Variants in INTU observed in about 807,000 individuals in gnomAD.
The protein encoded by INTU is inturned planar cell polarity protein.
Under a neutral mutation model 100.5 loss-of-function variants are expected in INTU, and 68 were observed. The observed-to-expected ratio is 0.68, with a 90% CI of 0.56 to 0.83. The LOEUF (loss-of-function observed/expected upper bound fraction) is 0.83. INTU is among the 40% of genes least tolerant of loss of function. The pLI, the probability that INTU is intolerant of heterozygous loss-of-function variation, is 0.00. For missense variants in INTU, 1,071 were observed against 1,114.7 expected (o/e 0.96, Z 0.56); for synonymous variants, 357 against 395.7 (o/e 0.90, Z 1.16).
intron 2 of INTU, among the ~76,000 whole-genome samples, chr4:127,648,130 A>G (rs763028291): frequency 5.3e-5 from 8 of 152,310 alleles, no homozygotes; most frequent in Admixed American, 1.3e-4. Context: ...TTATTTAACA[A>G]TGCAAATCAA....
At chr4:127,682,170 T>C (rs919794504) in intron 6 of INTU, among the ~76,000 whole-genome samples, 2 of 152,072 alleles carry the variant, frequency 1.3e-5, no homozygotes, top group South Asian at 4.1e-4. Context: ...TGTAAACTAG[T>C]TCAGCCCTTG....
intron 2 of INTU, among the ~76,000 whole-genome samples, chr4:127,654,548 G>A (rs1728082028): frequency 6.6e-6 from 1 of 152,042 alleles, no homozygotes; most frequent in South Asian, 2.1e-4. Flanking sequence ...TTGAATATTG[G>A]CCCCCACTCT....
chr4:127,715,957 T>A (rs1731249784), intron 15 of INTU, among the ~76,000 whole-genome samples: 1 of 152,196 alleles, frequency 6.6e-6, no homozygotes, highest in African/African-American at 2.4e-5. Flanking sequence ...TTTAATGTTT[T>A]AATAAAAATT....
Position 127,656,659 on chromosome 4 carries a change from G to A in INTU, c.706G>A (p.Asp236Asn), listed in dbSNP as rs766665386. ...AGGTGATGTCCTTGTTGCTGTGAATGATGTCGATGTTACTACTGAAAACAT... is the reference window on the plus strand; with the variant it reads ...AGGTGATGTCCTTGTTGCTGTGAATAATGTCGATGTTACTACTGAAAACAT... ...LIGDVLVAVNDVDVTTENIER... is the reference protein window; with the variant it reads ...LIGDVLVAVNNVDVTTENIER... Residue 236 changes from aspartate (D) to asparagine (N), a missense_variant, in exon 3 of 16, where the codon GAT becomes AAT. By Grantham distance (23) the Asp-to-Asn change is conservative (BLOSUM62 1). Transcript: ENST00000335251. 1 of 1,610,142 alleles carries A rather than the reference G, an allele frequency of 6.2e-7. No individual in the cohort carries two copies. Among genetic ancestry groups the A allele is most frequent in the Non-Finnish European group, 8.5e-7 (1 of 1,177,090 alleles).
In INTU at chr4:127,674,135, T is replaced by A; in HGVS notation, c.1103T>A (p.Leu368His). 1.2e-6 allele frequency: 2 copies of A among 1,610,294 alleles called. No homozygotes were observed. ...TGTQVTSSSL[L>H]LNGKQIHVAY... ...ATATTGTTTCTTAGTTCATCCCTCC[T>A]TTTAAATGGAAAACAAATTCATGTG... Residue 368 changes from leucine to histidine, a missense_variant, in exon 6 of 16, where the codon CTT (leucine) becomes CAT (histidine). Leu to His is a moderately conservative substitution (Grantham distance 99). Coordinates refer to ENST00000335251, the MANE Select transcript of INTU (RefSeq NM_015693.4).
At chr4:127,646,245 G>A (rs970952952) in intron 2 of INTU, among the ~76,000 whole-genome samples, 1 of 151,970 alleles carries the variant, frequency 6.6e-6, no homozygotes, top group African/African-American at 2.4e-5. Context: ...ACTGGAACAG[G>A]GGCTAATACA....
chr4:127,647,933 G>A (rs969929912), intron 2 of INTU, among the ~76,000 whole-genome samples: 2 of 129,062 alleles, frequency 1.5e-5, no homozygotes, highest in Non-Finnish European at 3.2e-5. Context: ...GGTGCCTTAT[G>A]TAGTAGCCCT....
At chr4:127,644,497 G>T (rs914057883) in intron 2 of INTU, among the ~76,000 whole-genome samples, 3 of 152,078 alleles carry the variant, frequency 2.0e-5, no homozygotes, top group Non-Finnish European at 4.4e-5. Context: ...TCTTGGAGTG[G>T]TTTTCAACTG....
intron 3 of INTU, among the ~76,000 whole-genome samples, chr4:127,658,372 C>T (rs1243656629): frequency 6.6e-6 from 1 of 152,142 alleles, no homozygotes; most frequent in Non-Finnish European, 1.5e-5. Context: ...AGGGGGACAT[C>T]AGCCAGCCAT....
chr4:127,670,997 C>T lies in INTU; in HGVS notation c.1091+1843C>T, dbSNP rs568749917. Among the ~76,000 whole-genome samples the T allele has an allele frequency of 5.9e-5, 9 of 151,962 alleles. No homozygotes were observed. In the South Asian group the frequency reaches 1.7e-3, roughly 28 times the overall value. On this transcript the variant is annotated intron_variant, in intron 5 of 15. Coordinates refer to ENST00000335251, the MANE Select transcript of INTU (RefSeq NM_015693.4). ...TTAAAGACTTAAGTGTAATGCCTGACACTATAAAAATGCTAGAAGAAAACC... is the reference window on the plus strand; with the variant it reads ...TTAAAGACTTAAGTGTAATGCCTGATACTATAAAAATGCTAGAAGAAAACC...
In INTU at chr4:127,711,110, A is replaced by T. The variant is rs1731078747; in HGVS notation, c.2559+8A>T. ...CAGACATTGGTGGAAGAGGTAGGGCACTGCTATAAATACAGTTTTCTGCCA... is the reference window on the plus strand; with the variant it reads ...CAGACATTGGTGGAAGAGGTAGGGCTCTGCTATAAATACAGTTTTCTGCCA... On this transcript the variant is annotated splice_region_variant and intron_variant, in intron 14 of 15. Transcript: ENST00000335251. The T allele has an allele frequency of 6.4e-7, 1 of 1,562,014 alleles. No homozygotes were observed. The highest frequency in any genetic ancestry group is 1.3e-5 in the African/African-American group (1 of 74,246).
In INTU at chr4:127,726,669, A is replaced by G. The variant is rs1017481429; in HGVS notation, c.*10233A>G. 2 of 152,228 alleles carry G rather than the reference A, an allele frequency of 1.3e-5. No homozygotes were observed. The highest frequency in any genetic ancestry group is 4.8e-5 in the African/African-American group (2 of 41,462). 9.4% of individuals were successfully genotyped at this position (152,228 alleles called of 1,614,324 possible). ...TTTTGCAGTTGTGTTTCTATATTCT[A>G]TGTAATTAAAGCTACTTTTATACTA... On this transcript the variant is annotated 3_prime_UTR_variant, in exon 16 of 16. Coordinates refer to ENST00000335251, the MANE Select transcript of INTU (RefSeq NM_015693.4).
chr4:127,646,623 C>T (rs1727601013), intron 2 of INTU, among the ~76,000 whole-genome samples: 1 of 152,180 alleles, frequency 6.6e-6, no homozygotes, highest in South Asian at 2.1e-4. Context: ...TAAAAAGAAG[C>T]TCCCCCTCAC....
chr4:127,674,910 T>G (rs1174154351), intron 6 of INTU, among the ~76,000 whole-genome samples: 2 of 152,192 alleles, frequency 1.3e-5, no homozygotes, highest in African/African-American at 4.8e-5. Context: ...TTCAGTAACT[T>G]GCCAAAGCTC....
intron 3 of INTU, among the ~76,000 whole-genome samples, chr4:127,657,647 C>T (rs746116130): frequency 2.0e-5 from 3 of 151,868 alleles, no homozygotes; most frequent in South Asian, 2.1e-4. Flanking sequence ...CCTAGGAGCA[C>T]GAACCCTATT....
At position 127,725,132 on chromosome 4, in the gene INTU, T is replaced by TA. The variant is rs763050553; in HGVS notation, c.*8721dup. 0.081 allele frequency: 6,456 copies of TA among 79,330 alleles called. 210 individuals carry two copies. The highest frequency in any genetic ancestry group is 0.13 in the Non-Finnish European group (4,634 of 37,004). 4.9% of individuals were successfully genotyped at this position (79,330 alleles called of 1,614,324 possible). ...GAAACCCTGTCTCTACTAAAAATAC[T>TA]AAAAAAAAAAAAAAAAAAAAAAAAA... On this transcript the variant is annotated 3_prime_UTR_variant, in exon 16 of 16. Transcript: ENST00000335251.
In INTU at chr4:127,651,699, C is replaced by T. The variant is rs192790655; in HGVS notation, c.683-4937C>T. Among the ~76,000 whole-genome samples the T allele has an allele frequency of 5.0e-3, 761 of 151,940 alleles. 6 individuals carry two copies. The highest frequency in any genetic ancestry group is 0.018 in the African/African-American group (732 of 41,292). On this transcript the variant is annotated intron_variant, in intron 2 of 15. Coordinates refer to ENST00000335251, the MANE Select transcript of INTU (RefSeq NM_015693.4). ...TTGGCTTAGGATTGCCTTGGCGATG[C>T]GGGCTCTTTTTTGGTTCCATATGAA...
chr4:127,682,105 C>T (rs1729592558), intron 6 of INTU, among the ~76,000 whole-genome samples: 3 of 151,800 alleles, frequency 2.0e-5, no homozygotes, highest in African/African-American at 4.9e-5. Context: ...CAGGAAACAA[C>T]AGGTGCTGGA....
rs555581926 is a variant in INTU at position 127,694,374 on chromosome 4, C to T, written c.1450-5636C>T. Among the ~76,000 whole-genome samples the T allele has an allele frequency of 9.2e-4, 140 of 152,020 alleles. 1 individual carries two copies. The highest frequency in any genetic ancestry group is 3.3e-3 in the African/African-American group (135 of 41,484). On this transcript the variant is annotated intron_variant, in intron 8 of 15. Coordinates refer to ENST00000335251, the MANE Select transcript of INTU (RefSeq NM_015693.4). ...ATGCACATAAAGGTGTCTATAGTAG[C>T]CTTCAGTAATCTTTTGTATTGCTGT... is the stretch of plus-strand genomic sequence containing the variant.
Sources: allele counts gnomAD v4.1 joint callset (sites outside exome capture counted in the v4.1 genomes callset), GRCh38; gene constraint gnomAD v4.1.1; transcripts MANE v1.5; gene names NCBI Gene and HGNC (gene_info 2026-07-23, HGNC 2026-07-21).